The following ESRRG variants were observed in gnomAD, a reference collection of about 807,000 sequenced individuals.
The protein encoded by ESRRG is estrogen-related receptor gamma.
ESRRG carries 13 observed loss-of-function variants against 44.0 expected under a neutral mutation model. That is an observed-to-expected ratio of 0.30 (90% CI 0.19 to 0.47). The LOEUF (loss-of-function observed/expected upper bound fraction) is 0.47, where lower values mean the gene tolerates loss of function less well. Among genes scored for constraint, ESRRG ranks in the 20% least tolerant of loss-of-function variants. ESRRG has a pLI of 1.00. For missense variants in ESRRG, 395 were observed against 580.6 expected (o/e 0.68, Z 3.29); for synonymous variants, 215 against 214.6 (o/e 1.00, Z -0.02).
At chr1:216,866,965 T>G (rs191761950) in intron 2 of ESRRG, among the ~76,000 whole-genome samples, 155 of 152,336 alleles carry the variant, frequency 1.0e-3, no homozygotes, top group Middle Eastern at 3.4e-3. Flanking sequence ...CAAGTTTCTG[T>G]CATTTTCTTC....
At chr1:216,765,380 A>C (rs1344218713) in intron 2 of ESRRG, among the ~76,000 whole-genome samples, 1 of 152,092 alleles carries the variant, frequency 6.6e-6, no homozygotes, top group Non-Finnish European at 1.5e-5. Context: ...AAGTTGTTGG[A>C]TGCTCACAAC....
chr1:216,651,929 C>T (rs1236395964), intron 2 of ESRRG, among the ~76,000 whole-genome samples: 1 of 151,986 alleles, frequency 6.6e-6, no homozygotes, highest in African/African-American at 2.4e-5. Context: ...GTACCAATGG[C>T]AGTGTGTGGG....
At position 216,611,705 on chromosome 1, in the gene ESRRG, C is replaced by T. The variant is rs372585229; in HGVS notation, c.589+39268G>A. 2.8e-3 allele frequency among the ~76,000 whole-genome samples: 430 copies of T among 151,948 alleles called. 3 individuals are homozygous for T. Among genetic ancestry groups the T allele is most frequent in the Non-Finnish European group, 2.2e-3 (149 of 67,990 alleles). On this transcript the variant is annotated intron_variant, in intron 3 of 6. Coordinates refer to ENST00000408911, the MANE Select transcript of ESRRG (RefSeq NM_001438.4). ...CTGCCCTCAAGGGCCCAGAATCTAC[C>T]GGGGGACTCTAATAACTCACTGTCA...
chr1:216,803,914 CA>C (rs2094702827), intron 2 of ESRRG, among the ~76,000 whole-genome samples: 1 of 151,984 alleles, frequency 6.6e-6, no homozygotes, highest in Non-Finnish European at 1.5e-5. Flanking sequence ...GATAATAGGG[CA>C]AAGCCTACTC....
At chr1:216,722,642 T>A (rs1156939637) in intron 1 of ESRRG, among the ~76,000 whole-genome samples, 1 of 152,206 alleles carries the variant, frequency 6.6e-6, no homozygotes, top group African/African-American at 2.4e-5. Context: ...AAATCTCATG[T>A]TACTTAATGG....
intron 1 of ESRRG, among the ~76,000 whole-genome samples, chr1:216,961,425 A>T (rs1340012201): frequency 6.6e-6 from 1 of 152,178 alleles, no homozygotes; most frequent in Non-Finnish European, 1.5e-5. Context: ...TTATCAAAGG[A>T]TACCATAAAG....
intron 5 of ESRRG, among the ~76,000 whole-genome samples, chr1:216,532,525 G>C (rs1201615071): frequency 1.3e-5 from 2 of 152,196 alleles, no homozygotes; most frequent in Non-Finnish European, 2.9e-5. Context: ...ACGCAGCAAG[G>C]GGTAGTGGAA....
intron 5 of ESRRG, among the ~76,000 whole-genome samples, chr1:216,562,725 G>C (rs539239049): frequency 6.6e-6 from 1 of 152,082 alleles, no homozygotes; most frequent in African/African-American, 2.4e-5. Context: ...TAAAATGTGT[G>C]TATACATATA....
Position 216,723,386 on chromosome 1 carries a change from C to T in ESRRG, c.-87G>A. 7.7e-7 allele frequency: 1 copy of T among 1,299,866 alleles called. No individual in the cohort carries two copies. The highest frequency in any genetic ancestry group is 1.1e-6 in the Non-Finnish European group (1 of 897,750). The allele number at this position is 1,299,866 out of a possible 1,614,324, so 80.5% of individuals were successfully genotyped here. A position where few individuals can be genotyped will look rare whatever the true frequency, so the allele number is the denominator to read the frequency against. On this transcript the variant is annotated 5_prime_UTR_variant, in exon 1 of 7. Coordinates refer to ENST00000408911, the MANE Select transcript of ESRRG (RefSeq NM_001438.4). The stretch of plus-strand genomic sequence containing the variant: ...ACAGTGCAATTAACACAAATGTTCT[C>T]CTAGTGACAAGCCTATAGGCACAGC...
chr1:216,652,237 T>C (rs1295578428), intron 2 of ESRRG, among the ~76,000 whole-genome samples: 1 of 152,202 alleles, frequency 6.6e-6, no homozygotes, highest in African/African-American at 2.4e-5. Context: ...CCCTGAAACA[T>C]GCGCAGATTC....
At chr1:217,086,400 T>G (rs1354680819) in intron 1 of ESRRG, among the ~76,000 whole-genome samples, 1 of 152,222 alleles carries the variant, frequency 6.6e-6, no homozygotes, top group Non-Finnish European at 1.5e-5. Context: ...CTTCATAATA[T>G]TGTCTTGAAA....
intron 1 of ESRRG, among the ~76,000 whole-genome samples, chr1:216,718,540 A>C (rs1010875919): frequency 7.9e-5 from 12 of 152,000 alleles, no homozygotes; most frequent in African/African-American, 2.9e-4. Flanking sequence ...TCATCCTTGC[A>C]CTATCAAATA....
At chr1:216,790,838 T>C (rs769678478) in intron 2 of ESRRG, among the ~76,000 whole-genome samples, 1 of 152,154 alleles carries the variant, frequency 6.6e-6, no homozygotes, top group African/African-American at 2.4e-5. Context: ...CATTGTTGTA[T>C]AGAGGTGCAT....
chr1:216,927,424 G>A (rs1221141360), intron 2 of ESRRG, among the ~76,000 whole-genome samples: 2 of 152,178 alleles, frequency 1.3e-5, no homozygotes, highest in East Asian at 3.9e-4. Context: ...CTTGGCCTGA[G>A]GGAGCTCTGC....
intron 2 of ESRRG, among the ~76,000 whole-genome samples, chr1:216,784,381 CTCTA>C (rs1170524521): frequency 6.6e-6 from 1 of 151,986 alleles, no homozygotes; most frequent in African/African-American, 2.4e-5. Context: ...CATAGTAATT[CTCTA>C]TCTGAGTTAC....
chr1:216,606,785 G>C (rs2150237945), intron 3 of ESRRG, among the ~76,000 whole-genome samples: 1 of 152,298 alleles, frequency 6.6e-6, no homozygotes, highest in South Asian at 2.1e-4. Flanking sequence ...TACAGAAAGA[G>C]ACAGTGTGGG....
At chr1:216,911,414 G>T (rs1333112545) in intron 2 of ESRRG, among the ~76,000 whole-genome samples, 4 of 152,126 alleles carry the variant, frequency 2.6e-5, no homozygotes, top group African/African-American at 9.7e-5. Flanking sequence ...ACAATTAAAA[G>T]ATCATTGACT....
chr1:216,895,602 G>A (rs2058327717), intron 2 of ESRRG, among the ~76,000 whole-genome samples: 2 of 152,236 alleles, frequency 1.3e-5, no homozygotes, highest in East Asian at 1.9e-4. Flanking sequence ...CTTATCAAAT[G>A]TCCAAATATT....
At chr1:216,606,597 C>A (rs1040705178) in intron 3 of ESRRG, among the ~76,000 whole-genome samples, 2 of 152,086 alleles carry the variant, frequency 1.3e-5, no homozygotes, top group Non-Finnish European at 1.5e-5. Context: ...GCACTCCCCC[C>A]ACAACCCAAT....
Sources: allele counts gnomAD v4.1 joint callset (sites outside exome capture counted in the v4.1 genomes callset), GRCh38; gene constraint gnomAD v4.1.1; transcripts MANE v1.5; gene names NCBI Gene and HGNC (gene_info 2026-07-23, HGNC 2026-07-21).